The following SHQ1 variants were observed in gnomAD, a reference collection of about 807,000 sequenced individuals.
SHQ1 encodes the protein protein SHQ1 homolog.
A neutral mutation model predicts 53.8 loss-of-function variants in SHQ1; 49 were observed. That is an observed-to-expected ratio of 0.91 (90% CI 0.72 to 1.16). The LOEUF (loss-of-function observed/expected upper bound fraction) is 1.16. Among genes scored for constraint, SHQ1 ranks in the 50% most tolerant of loss-of-function variants. SHQ1 has a pLI of 0.00. For synonymous variants in SHQ1, 243 were observed against 251.0 expected (o/e 0.97, Z 0.30); for missense variants, 738 against 683.1 (o/e 1.08, Z -0.90).
At chr3:72,735,612 C>A in the SHQ1 span, among the ~76,000 whole-genome samples, 3 of 142,838 alleles carry the variant, frequency 2.1e-5, no homozygotes, top group Admixed American at 2.2e-4. Context: ...GGGGAGAAAT[C>A]CAAGGTTCCA....
the SHQ1 span, among the ~76,000 whole-genome samples, chr3:72,730,715 T>A: frequency 6.6e-6 from 1 of 152,190 alleles, no homozygotes; most frequent in African/African-American, 2.4e-5. Flanking sequence ...TCTCTTAGAA[T>A]TAAGACACTT....
rs545943497 is a variant in SHQ1, at chr3:72,841,099, C to T, written c.432G>A (p.Pro144=). Residue 144 remains proline, a synonymous_variant, in exon 4 of 11, where the codon CCG becomes CCA. Coordinates refer to ENST00000325599, the MANE Select transcript of SHQ1 (RefSeq NM_018130.3). ...CEEVSESALN[P]QCHYGFGNLR... ...AGTTTCCAAATCCATAGTGGCACTG[C>T]GGATTCAAAGCACTTTCTGATACCT... The T allele has an allele frequency of 5.0e-6, 8 of 1,613,804 alleles. No homozygotes were observed. Among genetic ancestry groups the T allele is most frequent in the East Asian group, 4.5e-5 (2 of 44,878 alleles).
chr3:72,833,546 T>TAGAC (rs1442246018), intron 4 of SHQ1, among the ~76,000 whole-genome samples: 2 of 87,740 alleles, frequency 2.3e-5, no homozygotes, highest in Non-Finnish European at 5.2e-5. Context: ...GATAGATAGA[T>TAGAC]AGATAGATAG....
intron 9 of SHQ1, among the ~76,000 whole-genome samples, chr3:72,809,189 A>G (rs1403662305): frequency 6.6e-6 from 1 of 152,104 alleles, no homozygotes; most frequent in East Asian, 1.9e-4. Flanking sequence ...TGTCCTGCCA[A>G]AGTGAAAGGG....
the SHQ1 span, among the ~76,000 whole-genome samples, chr3:72,739,527 C>T: frequency 6.6e-6 from 1 of 152,182 alleles, no homozygotes; most frequent in South Asian, 2.1e-4. Context: ...CCCCTTGTTG[C>T]ATGGGTGACA....
chr3:72,783,069 C>T (rs1157308986), intron 10 of SHQ1, among the ~76,000 whole-genome samples: 4 of 152,150 alleles, frequency 2.6e-5, no homozygotes, highest in African/African-American at 7.2e-5. Flanking sequence ...AATTTGCTTA[C>T]TCTGTAAAAA....
At chr3:72,841,379 G>C (rs1708175811) in intron 3 of SHQ1, among the ~76,000 whole-genome samples, 180 bp from the exon 4 acceptor site, 1 of 151,314 alleles carries the variant, frequency 6.6e-6, no homozygotes, top group East Asian at 1.9e-4. Context: ...CCAAAAATGT[G>C]GTATGTTCAT....
intron 10 of SHQ1, among the ~76,000 whole-genome samples, chr3:72,782,476 T>C (rs1706098777): frequency 6.6e-6 from 1 of 152,218 alleles, no homozygotes; most frequent in East Asian, 1.9e-4. Flanking sequence ...TCCACAGCTC[T>C]GTTTATTATT....
intron 9 of SHQ1, among the ~76,000 whole-genome samples, chr3:72,801,559 C>T (rs914328171): frequency 3.9e-5 from 6 of 152,082 alleles, no homozygotes; most frequent in African/African-American, 1.4e-4. Flanking sequence ...CTAATCCTAC[C>T]ACTGATGAAT....
intron 10 of SHQ1, among the ~76,000 whole-genome samples, chr3:72,770,608 G>T (rs1052607413): frequency 2.0e-5 from 3 of 152,148 alleles, no homozygotes; most frequent in Admixed American, 2.0e-4. Context: ...AGTACAAGAT[G>T]ATATCTAGTA....
chr3:72,765,557 A>ATATATATATATTTTTTT (rs1491527508), intron 10 of SHQ1, among the ~76,000 whole-genome samples: 1 of 57,192 alleles, frequency 1.7e-5, no homozygotes, highest in African/African-American at 7.9e-5. Context: ...ATATATATAT[A>ATATATATATATTTTTTT]TTTTTTTTTT....
intron 10 of SHQ1, among the ~76,000 whole-genome samples, chr3:72,764,657 C>T (rs1705682900): frequency 6.6e-6 from 1 of 152,270 alleles, no homozygotes; most frequent in East Asian, 1.9e-4. Context: ...AACCCTGGAC[C>T]AGGAGCAGCA....
chr3:72,810,363 A>G (rs1707081129), intron 9 of SHQ1, among the ~76,000 whole-genome samples: 1 of 152,220 alleles, frequency 6.6e-6, no homozygotes, highest in Non-Finnish European at 1.5e-5. Context: ...CCTAGTAAAG[A>G]ATCCTTGTAA....
the SHQ1 span, among the ~76,000 whole-genome samples, chr3:72,729,710 C>T: frequency 9.2e-5 from 14 of 152,168 alleles, no homozygotes; most frequent in African/African-American, 3.4e-4. Flanking sequence ...GAAAGCACAG[C>T]CAATAGCATT....
At chr3:72,800,650 A>C (rs1183272119) in intron 9 of SHQ1, among the ~76,000 whole-genome samples, 1 of 152,244 alleles carries the variant, frequency 6.6e-6, no homozygotes, top group African/African-American at 2.4e-5. Context: ...CCTGTTTAAT[A>C]AACGCTGGTT....
intron 4 of SHQ1, among the ~76,000 whole-genome samples, chr3:72,839,474 A>G (rs1384440627): frequency 6.6e-6 from 1 of 152,192 alleles, no homozygotes; most frequent in Non-Finnish European, 1.5e-5. Context: ...TTTTGAGACC[A>G]TTTTATATTT....
intron 10 of SHQ1, among the ~76,000 whole-genome samples, chr3:72,771,766 A>C (rs1287816549): frequency 6.6e-6 from 1 of 152,244 alleles, no homozygotes; most frequent in Non-Finnish European, 1.5e-5. Flanking sequence ...AAGACTGAGA[A>C]GGGATACAAT....
chr3:72,832,089 C>T (rs543798138), intron 5 of SHQ1, among the ~76,000 whole-genome samples: 8 of 152,116 alleles, frequency 5.3e-5, no homozygotes, highest in Admixed American at 1.3e-4. Context: ...CTCATGAATT[C>T]AGTATTATAT....
intron 10 of SHQ1, among the ~76,000 whole-genome samples, chr3:72,766,248 A>G (rs960562196): frequency 6.6e-6 from 1 of 152,036 alleles, no homozygotes; most frequent in African/African-American, 2.4e-5. Context: ...ACTCACAACA[A>G]TCCCCTGCTC....
Sources: gnomAD v4.1 joint callset for allele counts (sites outside exome capture counted in the v4.1 genomes callset) on GRCh38, gnomAD v4.1.1 for gene constraint, MANE v1.5 for transcripts, NCBI Gene and HGNC (gene_info 2026-07-23, HGNC 2026-07-21) for gene names.